The following TTN variants were observed in gnomAD, a reference collection of about 807,000 sequenced individuals.
TTN encodes the protein connectin.
In TTN, 1,525 loss-of-function variants were observed where a neutral mutation model predicts 3,223.0. The observed-to-expected ratio is 0.47, with a 90% CI of 0.45 to 0.49. TTN has a LOEUF of 0.49. Among genes scored for constraint, TTN ranks in the 20% least tolerant of loss-of-function variants. TTN has a pLI of 0.00. For missense variants in TTN, 40,786 were observed against 43,424.0 expected, an observed-to-expected ratio of 0.94 and a Z score of 5.40; for synonymous variants, 14,094 against 15,161.0, an observed-to-expected ratio of 0.93 and a Z score of 5.17.
Position 178,561,123 on chromosome 2 carries a change from T to A in TTN, c.85009A>T (p.Ser28337Cys). The change falls in exon 326 of 363, where the codon AGT (serine) becomes TGT (cysteine). Residue 28337 changes from serine to cysteine, a missense_variant. Ser to Cys is a moderately radical substitution (Grantham distance 112). Coordinates refer to ENST00000589042, the MANE Select transcript of TTN (RefSeq NM_001267550.2). Reference sequence around the variant, plus strand: ...GGCCCAGTGGATTCAGATGGCTCACTAACTGAGTCAGCAGCATTCCTTGCA... The same window carrying A: ...GGCCCAGTGGATTCAGATGGCTCACAAACTGAGTCAGCAGCATTCCTTGCA... ...VFARNAADSV[S>C]EPSESTGPII... 6.2e-7 allele frequency: 1 copy of A among 1,613,876 alleles called. No individual in the cohort carries two copies. Among genetic ancestry groups the A allele is most frequent in the Non-Finnish European group, 8.5e-7 (1 of 1,179,830 alleles).
intron 47 of TTN, chr2:178,749,531 G>A (rs376864139): frequency 6.2e-7 from 1 of 1,612,664 alleles, no homozygotes; most frequent in Non-Finnish European, 8.5e-7. Flanking sequence ...GGGACCAGCT[G>A]GATAATCATA....
Position 178,768,949 on chromosome 2 carries a change from G to GA in TTN, c.8903-17dup, listed in dbSNP as rs756934065. On this transcript the variant is annotated splice_polypyrimidine_tract_variant and intron_variant, in intron 37 of 362. Transcript: ENST00000589042. ...ATCATGATTGCTGCAAAGGAGAAAA[G>GA]AAAAAACACCCAAGGAGACTTTACG... 6.8e-6 allele frequency: 11 copies of GA among 1,612,738 alleles called. No individual in the cohort carries two copies. Among genetic ancestry groups the GA allele is most frequent in the Middle Eastern group, 1.7e-4 (1 of 6,054 alleles).
intron 46 of TTN, among the ~76,000 whole-genome samples, chr2:178,755,984 A>G (rs534390670): frequency 1.3e-5 from 2 of 152,286 alleles, no homozygotes; most frequent in African/African-American, 4.8e-5. Context: ...TAGGAAATAA[A>G]CCTTTGCTTC....
intron 52 of TTN, among the ~76,000 whole-genome samples, 173 bp downstream of exon 52, chr2:178,734,155 G>C (rs141442073): frequency 7.9e-5 from 12 of 151,284 alleles, no homozygotes; most frequent in Admixed American, 2.7e-4. Context: ...CACTAGTCTC[G>C]GGAAAAAGAC....
At chr2:178,651,209 T>G in intron 208 of TTN, 34 bp downstream of exon 208, 1 of 1,570,076 alleles carries the variant, frequency 6.4e-7, no homozygotes, top group Non-Finnish European at 8.7e-7. Context: ...CAAGGGTGAG[T>G]GCTTTTCTGC....
At position 178,534,783 on chromosome 2, in the gene TTN, A is replaced by G. The variant is rs1415349032; in HGVS notation, c.101832T>C (p.Asn33944=). ...AGCTTCTTCTGGTTTGGTAAATGAT[A>G]TTTTCTGGTCTAATGTCAAAGTGTC... ...NIGHFDIRPE[N]IIYQTRRSST... is the part of the protein sequence containing the mutation. The change falls in exon 358 of 363, where the codon AAT becomes AAC. Residue 33944 remains asparagine, a synonymous_variant. Transcript: ENST00000589042. The G allele has an allele frequency of 1.2e-6, 2 of 1,612,946 alleles. No individual in the cohort carries two copies. Among genetic ancestry groups the G allele is most frequent in the Non-Finnish European group, 1.7e-6 (2 of 1,179,786 alleles).
At chr2:178,603,388 T>C (rs1237213849) in intron 282 of TTN, among the ~76,000 whole-genome samples, 1 of 152,010 alleles carries the variant, frequency 6.6e-6, no homozygotes, top group African/African-American at 2.4e-5. Context: ...CACAGATCTT[T>C]TAGAAGAATT....
rs758598014 is a variant in TTN, at chr2:178,800,435, G to A, written c.543C>T (p.Ser181=). The change falls in exon 4 of 363, where the codon AGC becomes AGT. Residue 181 remains serine, a synonymous_variant. Transcript: ENST00000589042. ...CAGCAGTCGAAGTAGCTCTTCCAAC[G>A]CTATTGGTGGCATTTACTGAATAGG... ...SGTYSVNATN[S]VGRATSTAEL... is the part of the protein sequence containing the mutation. 12 of 1,613,990 alleles carry A rather than the reference G, an allele frequency of 7.4e-6. No individual in the cohort carries two copies. The East Asian group carries it at 8.9e-5, about 12-fold the overall frequency.
chr2:178,646,016 T>C lies in TTN; in HGVS notation c.40312A>G (p.Lys13438Glu). 1 of 1,565,716 alleles carries C rather than the reference T, an allele frequency of 6.4e-7. No individual in the cohort carries two copies. The highest frequency in any genetic ancestry group is 8.6e-7 in the Non-Finnish European group (1 of 1,160,200). ...TTGAGTTTTGGCTTCTCAATAACCT[T>C]TTCAGGTTCAGGTTCTTGAAAGAGT... ...EIPVKEPEPE[K>E]VIEKPKLKPR... Residue 13438 changes from lysine (K) to glutamate (E), a missense_variant, in exon 217 of 363, where the codon AAG (lysine) becomes GAG (glutamate). By Grantham distance (56) the Lys-to-Glu change is moderately conservative. Transcript: ENST00000589042.
In TTN at chr2:178,714,428, G is replaced by A. The variant is rs753050842; in HGVS notation, c.26346C>T (p.Asn8782=). The A allele has an allele frequency of 3.7e-6, 6 of 1,613,622 alleles. No individual in the cohort carries two copies. In the South Asian group the frequency reaches 5.5e-5, roughly 15 times the overall value. The part of the protein sequence containing the change: ...DKGEIVRESD[N]IWISYSENIA... ...TGTTTTCTGAATAAGAAATCCATAT[G>A]TTGTCACTTTCTCTAACGATTTCTC... The change falls in exon 91 of 363, where the codon AAC becomes AAT. Residue 8782 remains asparagine (N), a synonymous_variant. Coordinates refer to ENST00000589042, the MANE Select transcript of TTN (RefSeq NM_001267550.2).
chr2:178,651,632 T>C (rs1266024406), intron 206 of TTN, 34 bp downstream of exon 206: 1 of 1,612,518 alleles, frequency 6.2e-7, no homozygotes, highest in East Asian at 2.2e-5. Flanking sequence ...CAAAGAAAGT[T>C]TTTTGTTAGG....
intron 218 of TTN, among the ~76,000 whole-genome samples, chr2:178,643,919 T>C (rs1560042470): frequency 6.6e-6 from 1 of 152,026 alleles, no homozygotes; most frequent in Non-Finnish European, 1.5e-5. Flanking sequence ...TAGACTCTTA[T>C]AATTCATTTA....
In TTN at chr2:178,537,527, G is replaced by T. The variant is rs1430566252; in HGVS notation, c.99680C>A (p.Ala33227Asp). The stretch of plus-strand genomic sequence containing the variant: ...TTTCTGACCATGGAACCAAGTCATG[G>T]CAGGTACTGGACGACCAATGTACAT... ...HVMYIGRPVP[A>D]MTWFHGQKLL... Residue 33227 changes from alanine to aspartate, a missense_variant, in exon 355 of 363, where the codon GCC (alanine) becomes GAC (aspartate). Ala to Asp is a moderately radical substitution (Grantham distance 126). Transcript: ENST00000589042. The T allele has an allele frequency of 6.2e-7, 1 of 1,613,562 alleles. No homozygotes were observed.
At chr2:178,787,139 A>G (rs1170772644) in intron 13 of TTN, among the ~76,000 whole-genome samples, 2 of 152,184 alleles carry the variant, frequency 1.3e-5, no homozygotes, top group Non-Finnish European at 2.9e-5. Context: ...TATACCTGTG[A>G]ATAGAATCTA....
chr2:178,728,439 C>A (rs751538270), intron 66 of TTN, 42 bp from the exon 67 acceptor site: 1 of 1,579,742 alleles, frequency 6.3e-7, no homozygotes, highest in South Asian at 1.2e-5. Context: ...TAATCTCTTG[C>A]TATTTGTTTA....
Position 178,561,283 on chromosome 2 carries a change from C to G in TTN, c.84849G>C (p.Lys28283Asn). The G allele has an allele frequency of 6.2e-7, 1 of 1,613,816 alleles. No homozygotes were observed. The highest frequency in any genetic ancestry group is 8.5e-7 in the Non-Finnish European group (1 of 1,179,806). ...TGCGTTCAACAATGTATCCTGTGAT[C>G]TTAGCTCCACCATCATAATGTGGTT... ...WSKPHYDGGA[K>N]ITGYIVERRE... Residue 28283 changes from lysine (K) to asparagine (N), a missense_variant, in exon 326 of 363, where the codon AAG becomes AAC. Physicochemically the swap from Lys to Asn is moderately conservative, Grantham distance 94. Coordinates refer to ENST00000589042, the MANE Select transcript of TTN (RefSeq NM_001267550.2).
chr2:178,748,204 T>G (rs774147890), intron 47 of TTN: 1 of 1,613,144 alleles, frequency 6.2e-7, no homozygotes, highest in Non-Finnish European at 8.5e-7. Flanking sequence ...GTAGGGCACA[T>G]GATTCACTAT....
rs140322457 is a variant in TTN, at chr2:178,765,580, T to C, written c.9704-769A>G. 1.8e-4 allele frequency among the ~76,000 whole-genome samples: 27 copies of C among 152,344 alleles called. No homozygotes were observed. In the East Asian group the frequency reaches 4.8e-3, roughly 27 times the overall value. On this transcript the variant is annotated intron_variant, in intron 41 of 362. Coordinates refer to ENST00000589042, the MANE Select transcript of TTN (RefSeq NM_001267550.2). Reference sequence around the variant, plus strand: ...TGGATGCCATGACCATTTGGTCTTCTAGGAACCTAGGGAATGCTGGCGATA... The same window carrying C: ...TGGATGCCATGACCATTTGGTCTTCCAGGAACCTAGGGAATGCTGGCGATA...
In TTN at chr2:178,620,354, G is replaced by T. The variant is rs72677227; in HGVS notation, c.46167C>A (p.Ala15389=). The T allele has an allele frequency of 1.2e-6, 2 of 1,605,820 alleles. No homozygotes were observed. Among genetic ancestry groups the T allele is most frequent in the Middle Eastern group, 1.7e-4 (1 of 6,014 alleles). Residue 15389 remains alanine (A), a synonymous_variant, in exon 248 of 363, where the codon GCC becomes GCA. Transcript: ENST00000589042. The stretch of plus-strand genomic sequence containing the variant: ...CCAAGTGTTCCACAAATTCTGTCGG[G>T]GCTTCTATGATGAGAAGCTCAGCAA... The part of the protein sequence containing the change: ...KSVAELLIIE[A]PTEFVEHLED...
Sources: allele counts gnomAD v4.1 joint callset (sites outside exome capture counted in the v4.1 genomes callset), GRCh38; gene constraint gnomAD v4.1.1; transcripts MANE v1.5; gene names NCBI Gene and HGNC (gene_info 2026-07-23, HGNC 2026-07-21).